The following TRIM16 variants were observed in gnomAD, a reference collection of about 807,000 sequenced individuals.
TRIM16 encodes tripartite motif-containing protein 16.
A neutral mutation model predicts 50.4 loss-of-function variants in TRIM16; 33 were observed. The ratio of observed to expected loss-of-function variants is 0.65; its 90% CI spans 0.50 to 0.88. TRIM16 has a LOEUF of 0.88. TRIM16 is among the 40% of genes least tolerant of loss of function. The pLI is 0.00. For synonymous variants in TRIM16, 229 were observed against 270.7 expected, an observed-to-expected ratio of 0.85 and a Z score of 1.51; for missense variants, 581 against 686.8, an observed-to-expected ratio of 0.85 and a Z score of 1.72.
At chr17:15,669,653 A>G (rs1988642856) in intron 6 of TRIM16, among the ~76,000 whole-genome samples, 1 of 152,162 alleles carries the variant, frequency 6.6e-6, no homozygotes, top group South Asian at 2.1e-4. Flanking sequence ...CTTTTTGAAA[A>G]AGAGAATAGA....
intron 6 of TRIM16, among the ~76,000 whole-genome samples, chr17:15,673,136 T>C: frequency 6.6e-6 from 1 of 152,212 alleles, no homozygotes; most frequent in Non-Finnish European, 1.5e-5. Context: ...GGAACTATGT[T>C]TGGAAATGAC....
chr17:15,677,750 T>A (rs1252044697), intron 4 of TRIM16, 29 bp from the exon 5 acceptor site: 4 of 986,738 alleles, frequency 4.1e-6, no homozygotes, highest in Non-Finnish European at 3.6e-6. Context: ...GAGGCATACT[T>A]AGGGGAGACT....
At position 15,629,137 on chromosome 17, in the gene TRIM16, C is replaced by T. The variant is rs1396861275; in HGVS notation, c.1173G>A (p.Glu391=). ...TAHKYLRLQE[E]NRKVTNTTPW... is the part of the protein sequence containing the mutation. The stretch of plus-strand genomic sequence containing the variant: ...GCGTGGTGTTGGTGACCTTGCGGTT[C>T]TCCTCCTGCAGCCGGAGATACTTGT... The change falls in exon 12 of 12, where the codon GAG becomes GAA. Residue 391 remains glutamate, a synonymous_variant. Coordinates refer to ENST00000649191, the MANE Select transcript of TRIM16 (RefSeq NM_001348119.1). 2.5e-6 allele frequency: 4 copies of T among 1,613,116 alleles called. No individual in the cohort carries two copies. Among genetic ancestry groups the T allele is most frequent in the Non-Finnish European group, 3.4e-6 (4 of 1,179,372 alleles).
chr17:15,659,434 G>C (rs1336624531), intron 6 of TRIM16, among the ~76,000 whole-genome samples: 1 of 152,032 alleles, frequency 6.6e-6, no homozygotes. Flanking sequence ...TGGAAATGGA[G>C]AGCTCAAGAA....
At position 15,639,529 on chromosome 17, in the gene TRIM16, G is replaced by A. The variant is rs569812675; in HGVS notation, c.615+3192C>T. Among the ~76,000 whole-genome samples the A allele has an allele frequency of 8.1e-5, 12 of 148,442 alleles. No individual in the cohort carries two copies. In the East Asian group the frequency reaches 1.2e-3, roughly 15 times the overall value. Reference sequence around the variant, plus strand: ...CAAGAAAAGCTTTTAGACAGGTGACGGTGTTGAGAAGCCAGGGCAGCAGGA... The same window carrying A: ...CAAGAAAAGCTTTTAGACAGGTGACAGTGTTGAGAAGCCAGGGCAGCAGGA... On this transcript the variant is annotated intron_variant, in intron 8 of 11. Coordinates refer to ENST00000649191, the MANE Select transcript of TRIM16 (RefSeq NM_001348119.1).
At chr17:15,629,385 T>C (rs1253312181) in intron 11 of TRIM16, among the ~76,000 whole-genome samples, 187 bp from the exon 12 acceptor site, 1 of 152,224 alleles carries the variant, frequency 6.6e-6, no homozygotes, top group Non-Finnish European at 1.5e-5. Context: ...AGAGCACAAA[T>C]CATCTACTCC....
intron 6 of TRIM16, among the ~76,000 whole-genome samples, chr17:15,667,671 A>G (rs1988555653): frequency 6.6e-6 from 1 of 152,204 alleles, no homozygotes. Context: ...CTATGGAAAG[A>G]ATAAATTCTC....
chr17:15,637,639 C>CG (rs1986886707), intron 8 of TRIM16, among the ~76,000 whole-genome samples: 1 of 144,960 alleles, frequency 6.9e-6, no homozygotes, highest in Non-Finnish European at 1.5e-5. Context: ...GTCAGCCCCC[C>CG]CGCCCGGCCA....
At chr17:15,662,069 G>A (rs926590734) in intron 6 of TRIM16, among the ~76,000 whole-genome samples, 4 of 152,148 alleles carry the variant, frequency 2.6e-5, no homozygotes, top group Non-Finnish European at 5.9e-5. Context: ...CCCAGGATGG[G>A]CTCTGTTTAT....
chr17:15,638,535 A>G (rs1355190969), intron 8 of TRIM16, among the ~76,000 whole-genome samples: 1 of 149,048 alleles, frequency 6.7e-6, no homozygotes, highest in Non-Finnish European at 1.5e-5. Context: ...GCGCCACTGC[A>G]CTCCAGCCCT....
intron 9 of TRIM16, among the ~76,000 whole-genome samples, chr17:15,634,617 G>A (rs1181339897): frequency 4.6e-5 from 6 of 130,288 alleles, no homozygotes; most frequent in Non-Finnish European, 8.1e-5. Context: ...GGCAACAAGA[G>A]TGAAACTCAG....
chr17:15,629,913 C>T (rs897961639), intron 11 of TRIM16, among the ~76,000 whole-genome samples: 2 of 152,210 alleles, frequency 1.3e-5, no homozygotes, highest in African/African-American at 2.4e-5. Context: ...TCTGACTGGT[C>T]GTTCGCTGTT....
chr17:15,639,345 C>T (rs1987011591), intron 8 of TRIM16, among the ~76,000 whole-genome samples: 2 of 148,460 alleles, frequency 1.3e-5, no homozygotes, highest in South Asian at 4.4e-4. Flanking sequence ...GGTGGGATTA[C>T]GTCCAGCCTA....
At chr17:15,656,109 C>A (rs1987969513) in intron 6 of TRIM16, among the ~76,000 whole-genome samples, 1 of 152,042 alleles carries the variant, frequency 6.6e-6, no homozygotes, top group Non-Finnish European at 1.5e-5. Context: ...TCTGGGACCA[C>A]AAAATTCACC....
At chr17:15,634,191 C>T (rs370912345) in intron 9 of TRIM16, among the ~76,000 whole-genome samples, 5 of 147,574 alleles carry the variant, frequency 3.4e-5, no homozygotes, top group Admixed American at 3.3e-4. Context: ...TAGCCGGGCG[C>T]GGTGGCGGGC....
At chr17:15,633,853 T>G (rs1986563276) in intron 9 of TRIM16, among the ~76,000 whole-genome samples, 1 of 151,122 alleles carries the variant, frequency 6.6e-6, no homozygotes, top group Non-Finnish European at 1.5e-5. Flanking sequence ...AAATAAGTTA[T>G]CATACACTAG....
intron 7 of TRIM16, among the ~76,000 whole-genome samples, chr17:15,643,481 G>A (rs1438430288): frequency 7.0e-6 from 1 of 142,884 alleles, no homozygotes; most frequent in Non-Finnish European, 1.5e-5. Context: ...CGGAAGCCCT[G>A]GTTTCCAGTT....
chr17:15,654,637 C>T (rs1381624784), intron 6 of TRIM16: 1 of 152,206 alleles, frequency 6.6e-6, no homozygotes, highest in African/African-American at 2.4e-5. Context: ...GCTGCAAGGT[C>T]ACTAGGCAGA....
chr17:15,675,307 C>T (rs1297228756), intron 6 of TRIM16, among the ~76,000 whole-genome samples: 1 of 152,110 alleles, frequency 6.6e-6, no homozygotes, highest in Non-Finnish European at 1.5e-5. Context: ...ACTGTAACAA[C>T]CTATAAAAGT....
Sources: gnomAD v4.1 joint callset for allele counts (sites outside exome capture counted in the v4.1 genomes callset) on GRCh38, gnomAD v4.1.1 for gene constraint, MANE v1.5 for transcripts, NCBI Gene and HGNC (gene_info 2026-07-23, HGNC 2026-07-21) for gene names.